IMMP2L: variants seen among roughly 807,000 people sequenced by gnomAD.
The protein encoded by IMMP2L is mitochondrial inner membrane protease subunit 2.
Under a neutral mutation model 19.3 loss-of-function variants are expected in IMMP2L, and 18 were observed. The ratio of observed to expected loss-of-function variants is 0.93; its 90% CI spans 0.64 to 1.38. The LOEUF is 1.38. Among genes scored for constraint, IMMP2L ranks in the 40% most tolerant of loss-of-function variants. The pLI is 0.00. For missense variants in IMMP2L, 233 were observed against 218.2 expected, an observed-to-expected ratio of 1.07 and a Z score of -0.43; for synonymous variants, 76 against 73.0, an observed-to-expected ratio of 1.04 and a Z score of -0.21.
At chr7:111,137,534 G>A (rs1453184284) in intron 3 of IMMP2L, among the ~76,000 whole-genome samples, 1 of 151,880 alleles carries the variant, frequency 6.6e-6, no homozygotes, top group Non-Finnish European at 1.5e-5. Flanking sequence ...AATAAGAAAA[G>A]GCAAATATAA....
At chr7:110,688,552 G>A (rs1793271897) in intron 5 of IMMP2L, among the ~76,000 whole-genome samples, 1 of 151,720 alleles carries the variant, frequency 6.6e-6, no homozygotes, top group Non-Finnish European at 1.5e-5. Flanking sequence ...ATAAGACTAA[G>A]TTATAAAATA....
intron 2 of IMMP2L, among the ~76,000 whole-genome samples, chr7:111,497,056 C>T (rs942338542): frequency 3.3e-5 from 5 of 152,042 alleles, no homozygotes. Context: ...GAACATATAA[C>T]ATATTGATTT....
intron 5 of IMMP2L, among the ~76,000 whole-genome samples, chr7:110,729,406 TC>T (rs1796104194): frequency 6.6e-6 from 1 of 152,036 alleles, no homozygotes; most frequent in African/African-American, 2.4e-5. Context: ...CCATCAGATC[TC>T]AGGAGAACTC....
rs1260882905 is a variant in IMMP2L at position 111,084,307 on chromosome 7, A to G, written c.240-120742T>C. ...CAGCAGCAGAAATAAAATTAAAAAA[A>G]AAAAAAAAAAAGAAAGGAAAAAAGA... is the stretch of plus-strand genomic sequence containing the variant. On this transcript the variant is annotated intron_variant, in intron 3 of 5. Transcript: ENST00000405709. Among the ~76,000 whole-genome samples the G allele has an allele frequency of 2.6e-5, 4 of 151,830 alleles. No homozygotes were observed. In the East Asian group the frequency reaches 7.7e-4, roughly 29 times the overall value.
At chr7:111,341,244 C>T (rs1015670231) in intron 3 of IMMP2L, among the ~76,000 whole-genome samples, 1 of 152,034 alleles carries the variant, frequency 6.6e-6, no homozygotes. Flanking sequence ...GTAGCCAATA[C>T]ATCACACAGA....
chr7:110,795,625 A>G (rs1800812010), intron 5 of IMMP2L, among the ~76,000 whole-genome samples: 1 of 152,082 alleles, frequency 6.6e-6, no homozygotes, highest in African/African-American at 2.4e-5. Flanking sequence ...TGACAAAAAG[A>G]GAAGATGGCA....
At chr7:111,263,603 TAAATTTGGGA>T in intron 3 of IMMP2L, among the ~76,000 whole-genome samples, 1 of 152,122 alleles carries the variant, frequency 6.6e-6, no homozygotes, top group African/African-American at 2.4e-5. Context: ...GATAGACAGA[TAAATTTGGGA>T]GTCATCAGCA....
Position 110,728,293 on chromosome 7 carries a change from G to C in IMMP2L, c.409-64572C>G, listed in dbSNP as rs1488029793. Among the ~76,000 whole-genome samples, 1 of 152,124 alleles carries C rather than the reference G, an allele frequency of 6.6e-6. No individual in the cohort carries two copies. Among genetic ancestry groups the C allele is most frequent in the Non-Finnish European group, 1.5e-5 (1 of 68,030 alleles). ...GCAGGCAGATGGCTTGAGCTCAGGA[G>C]TTTGAAACCAGCCTGGGCAACATGG... On this transcript the variant is annotated intron_variant, in intron 5 of 5. Coordinates refer to ENST00000405709, the MANE Select transcript of IMMP2L (RefSeq NM_032549.4). The surrounding 1 kb of genome is among the most constrained non-coding windows in gnomAD (Gnocchi z 4.6).
chr7:111,356,099 C>CAT (rs1043933534), intron 3 of IMMP2L, among the ~76,000 whole-genome samples: 10 of 150,886 alleles, frequency 6.6e-5, no homozygotes, highest in African/African-American at 9.7e-5. Flanking sequence ...AAACATACAC[C>CAT]ATATATATAT....
chr7:111,087,185 C>G (rs1796414904), intron 3 of IMMP2L, among the ~76,000 whole-genome samples: 1 of 152,142 alleles, frequency 6.6e-6, no homozygotes, highest in Admixed American at 6.5e-5. Context: ...CGCGGTGGCT[C>G]ACGCCTGTAA....
chr7:111,053,230 T>C (rs889252586), intron 3 of IMMP2L, among the ~76,000 whole-genome samples: 1 of 152,226 alleles, frequency 6.6e-6, no homozygotes, highest in African/African-American at 2.4e-5. Flanking sequence ...GGGGTTTATA[T>C]GTTGGCATGC....
intron 5 of IMMP2L, among the ~76,000 whole-genome samples, chr7:110,791,505 AT>A (rs1376594272): frequency 1.6e-5 from 1 of 62,076 alleles, no homozygotes; most frequent in Non-Finnish European, 3.1e-5. Context: ...ATTTTAACAT[AT>A]GAATCCTTTA....
At chr7:111,266,899 A>G (rs1817896823) in intron 3 of IMMP2L, among the ~76,000 whole-genome samples, 1 of 152,220 alleles carries the variant, frequency 6.6e-6, no homozygotes, top group Non-Finnish European at 1.5e-5. Flanking sequence ...AATCAAGCTC[A>G]GCATGAGCAA....
chr7:111,503,127 G>T (rs1409243246), intron 2 of IMMP2L, among the ~76,000 whole-genome samples: 1 of 152,086 alleles, frequency 6.6e-6, no homozygotes, highest in African/African-American at 2.4e-5. Context: ...AATAAAAAAT[G>T]ATAAAGGGGA....
intron 3 of IMMP2L, among the ~76,000 whole-genome samples, chr7:111,198,822 A>C (rs1809785749): frequency 6.6e-6 from 1 of 152,148 alleles, no homozygotes; most frequent in South Asian, 2.1e-4. Flanking sequence ...CCCTTGTCAT[A>C]TCTTTCTCTT....
rs1811579393 is a variant in IMMP2L, at chr7:111,213,663, G to A, written c.240-250098C>T. Among the ~76,000 whole-genome samples the A allele has an allele frequency of 1.3e-5, 2 of 152,158 alleles. No individual in the cohort carries two copies. Among genetic ancestry groups the A allele is most frequent in the African/African-American group, 4.8e-5 (2 of 41,442 alleles). ...ACTCAAGAAATCGATGGAACCACTA[G>A]CTGTAGGGAGGAGTTACCCATTCCA... On this transcript the variant is annotated intron_variant, in intron 3 of 5. Coordinates refer to ENST00000405709, the MANE Select transcript of IMMP2L (RefSeq NM_032549.4). This position sits in a 1 kb window ranked among gnomAD's most constrained non-coding sequence, Gnocchi z 4.8.
At chr7:111,428,790 CACAA>C (rs1836339802) in intron 3 of IMMP2L, among the ~76,000 whole-genome samples, 1 of 151,766 alleles carries the variant, frequency 6.6e-6, no homozygotes, top group Non-Finnish European at 1.5e-5. Flanking sequence ...ATTATACAAC[CACAA>C]ACAAATATGT....
At chr7:111,293,684 C>T (rs923051863) in intron 3 of IMMP2L, among the ~76,000 whole-genome samples, 1 of 151,926 alleles carries the variant, frequency 6.6e-6, no homozygotes, top group African/African-American at 2.4e-5. Context: ...AGAGAAGTCA[C>T]ATTCACAACG....
At chr7:111,228,864 A>C (rs1813397444) in intron 3 of IMMP2L, among the ~76,000 whole-genome samples, 1 of 152,062 alleles carries the variant, frequency 6.6e-6, no homozygotes, top group African/African-American at 2.4e-5. Context: ...ATTAATGGAT[A>C]TATGTAAAAA....
Sources: allele counts gnomAD v4.1 joint callset (sites outside exome capture counted in the v4.1 genomes callset), GRCh38; gene constraint gnomAD v4.1.1; non-coding constraint Gnocchi (gnomAD v3.1); transcripts MANE v1.5; gene names NCBI Gene and HGNC (gene_info 2026-07-23, HGNC 2026-07-21).